Variants in VAV3 observed in about 807,000 individuals in gnomAD.
The protein encoded by VAV3 is guanine nucleotide exchange factor VAV3.
VAV3 carries 94 observed loss-of-function variants against 131.2 expected under a neutral mutation model. The ratio of observed to expected loss-of-function variants is 0.72; its 90% CI spans 0.61 to 0.85. The LOEUF is 0.85. Among genes scored for constraint, VAV3 ranks in the 40% least tolerant of loss-of-function variants. The pLI, the probability that VAV3 is intolerant of heterozygous loss-of-function variation, is 0.00. For missense variants in VAV3, 939 were observed against 1,002.7 expected, an observed-to-expected ratio of 0.94 and a Z score of 0.86; for synonymous variants, 349 against 342.0, an observed-to-expected ratio of 1.02 and a Z score of -0.22.
intron 1 of VAV3, among the ~76,000 whole-genome samples, chr1:107,941,035 G>A (rs1480070234): frequency 2.0e-5 from 3 of 151,708 alleles, no homozygotes; most frequent in Non-Finnish European, 4.4e-5. Flanking sequence ...CTTCAAGCAG[G>A]AGGTTAATTT....
At chr1:107,583,086 C>T (rs555807245) in intron 25 of VAV3, among the ~76,000 whole-genome samples, 101 of 152,306 alleles carry the variant, frequency 6.6e-4, no homozygotes, top group Non-Finnish European at 1.2e-3. Flanking sequence ...TGTTTCCTGA[C>T]TTTTTAATGA....
At chr1:107,899,023 A>G (rs1671738642) in intron 1 of VAV3, among the ~76,000 whole-genome samples, 1 of 152,184 alleles carries the variant, frequency 6.6e-6, no homozygotes, top group Non-Finnish European at 1.5e-5. Flanking sequence ...TATACATTAG[A>G]AAAACAAACA....
chr1:107,818,515 T>G (rs1339851021), intron 2 of VAV3, among the ~76,000 whole-genome samples: 2 of 151,894 alleles, frequency 1.3e-5, no homozygotes, highest in Non-Finnish European at 2.9e-5. Flanking sequence ...GGAACACATA[T>G]TAGAAAAACA....
chr1:107,725,056 T>A (rs1291722465), intron 15 of VAV3, among the ~76,000 whole-genome samples: 1 of 152,070 alleles, frequency 6.6e-6, no homozygotes, highest in Non-Finnish European at 1.5e-5. Flanking sequence ...GCAATCTAGG[T>A]AGAAGACCCT....
chr1:107,846,415 A>G (rs543530093), intron 2 of VAV3, among the ~76,000 whole-genome samples: 1 of 152,194 alleles, frequency 6.6e-6, no homozygotes, highest in Non-Finnish European at 1.5e-5. Flanking sequence ...ACACATAACA[A>G]TATTAACCTT....
At chr1:107,879,482 A>G (rs1670661289) in intron 1 of VAV3, among the ~76,000 whole-genome samples, 1 of 152,232 alleles carries the variant, frequency 6.6e-6, no homozygotes, top group African/African-American at 2.4e-5. Flanking sequence ...AAATTGAGAT[A>G]ACTGAAGAAA....
chr1:107,933,742 G>A (rs1673574650), intron 1 of VAV3, among the ~76,000 whole-genome samples: 2 of 145,760 alleles, frequency 1.4e-5, no homozygotes, highest in African/African-American at 5.1e-5. Context: ...CTTGAGCCCA[G>A]GAATTCAAGG....
intron 1 of VAV3, among the ~76,000 whole-genome samples, chr1:107,956,787 C>A (rs890537521): frequency 2.0e-5 from 3 of 151,990 alleles, no homozygotes; most frequent in Non-Finnish European, 4.4e-5. Flanking sequence ...CAGCACGGTG[C>A]GGGTTTTCCT....
intron 21 of VAV3, among the ~76,000 whole-genome samples, chr1:107,612,456 T>G (rs1652828123): frequency 6.6e-6 from 1 of 152,122 alleles, no homozygotes; most frequent in African/African-American, 2.4e-5. Context: ...TTCCTATTTC[T>G]CTTTTGAGGT....
intron 18 of VAV3, 117 bp from the exon 19 acceptor site, chr1:107,683,650 A>AATTT: frequency 1.0e-6 from 1 of 993,876 alleles, no homozygotes; most frequent in Non-Finnish European, 1.6e-6. Context: ...TTCCAAGTCA[A>AATTT]AGTATGACTA....
chr1:107,719,161 A>T (rs921256838), intron 15 of VAV3, among the ~76,000 whole-genome samples: 20 of 152,312 alleles, frequency 1.3e-4, no homozygotes, highest in East Asian at 1.2e-3. Context: ...GGACTTCATG[A>T]CTAAAACACC....
Position 107,595,972 on chromosome 1 carries a change from C to T in VAV3, c.2350+240G>A, listed in dbSNP as rs139097024. On this transcript the variant is annotated intron_variant, in intron 25 of 26. Transcript: ENST00000370056. ...AATGTAAATATTAGCATATCTTTTA[C>T]GTTTCTGCTGGATTTTTGGACATAA... Among the ~76,000 whole-genome samples, 211 of 152,162 alleles carry T rather than the reference C, an allele frequency of 1.4e-3. 1 individual carries two copies. Among genetic ancestry groups the T allele is most frequent in the African/African-American group, 4.6e-3 (190 of 41,528 alleles).
intron 15 of VAV3, among the ~76,000 whole-genome samples, chr1:107,744,928 T>C (rs1007813438): frequency 6.6e-6 from 1 of 152,354 alleles, no homozygotes; most frequent in African/African-American, 2.4e-5. Flanking sequence ...CAAATGCTCC[T>C]GTGACTGCTA....
chr1:107,931,374 T>C (rs1673430961), intron 1 of VAV3, among the ~76,000 whole-genome samples: 1 of 152,192 alleles, frequency 6.6e-6, no homozygotes, highest in Admixed American at 6.5e-5. Flanking sequence ...TATCAAAATA[T>C]CACATTGTAC....
chr1:107,738,766 G>C (rs541551357), intron 15 of VAV3, among the ~76,000 whole-genome samples: 1 of 152,194 alleles, frequency 6.6e-6, no homozygotes, highest in East Asian at 1.9e-4. Context: ...TATTATCATA[G>C]AATTCACTGC....
At chr1:107,849,422 C>T (rs901374238) in intron 2 of VAV3, among the ~76,000 whole-genome samples, 4 of 152,098 alleles carry the variant, frequency 2.6e-5, no homozygotes, top group Admixed American at 1.3e-4. Flanking sequence ...AGAAATAACA[C>T]CACACATCTA....
At chr1:107,721,506 G>T (rs527718328) in intron 15 of VAV3, among the ~76,000 whole-genome samples, 1 of 152,272 alleles carries the variant, frequency 6.6e-6, no homozygotes, top group East Asian at 1.9e-4. Flanking sequence ...GGGCCACAAG[G>T]CTGGATACAG....
chr1:107,856,247 G>T (rs988970926), intron 2 of VAV3, among the ~76,000 whole-genome samples: 1 of 152,212 alleles, frequency 6.6e-6, no homozygotes, highest in Non-Finnish European at 1.5e-5. Context: ...TCACAGAAAT[G>T]TGATTAATTA....
chr1:107,676,272 G>A (rs1311377011), intron 19 of VAV3, among the ~76,000 whole-genome samples: 2 of 152,216 alleles, frequency 1.3e-5, no homozygotes, highest in East Asian at 1.9e-4. Flanking sequence ...TCTGGCTGCA[G>A]TGATTGCTTC....
Sources: allele counts gnomAD v4.1 joint callset (sites outside exome capture counted in the v4.1 genomes callset), GRCh38; gene constraint gnomAD v4.1.1; transcripts MANE v1.5; gene names NCBI Gene and HGNC (gene_info 2026-07-23, HGNC 2026-07-21).